Variants in EBF1 observed in about 807,000 individuals in gnomAD.
EBF1 encodes the protein transcription factor COE1.
EBF1 carries 10 observed loss-of-function variants against 68.4 expected under a neutral mutation model. The observed-to-expected ratio is 0.15, with a 90% CI of 0.09 to 0.25. The LOEUF is 0.25. EBF1 is among the 10% of genes least tolerant of loss of function. The pLI is 1.00. For missense variants in EBF1, 509 were observed against 794.4 expected, an observed-to-expected ratio of 0.64 and a Z score of 4.32; for synonymous variants, 298 against 299.8, an observed-to-expected ratio of 0.99 and a Z score of 0.06.
chr5:158,937,698 C>T (rs898060253), intron 6 of EBF1, among the ~76,000 whole-genome samples: 2 of 152,188 alleles, frequency 1.3e-5, no homozygotes, highest in African/African-American at 4.8e-5. Flanking sequence ...AGCCCCATCG[C>T]TTGAGGTGCA....
At chr5:158,884,621 C>G (rs1293729028) in intron 6 of EBF1, among the ~76,000 whole-genome samples, 3 of 152,010 alleles carry the variant, frequency 2.0e-5, no homozygotes, top group Admixed American at 2.0e-4. Context: ...CAGGAAGGTG[C>G]AAGAGACACA....
intron 2 of EBF1, chr5:159,096,629 G>T (rs941260585): frequency 2.9e-5 from 18 of 623,870 alleles, no homozygotes; most frequent in Non-Finnish European, 4.2e-5. Context: ...GCGCACACAG[G>T]CTATCCTCTT....
intron 8 of EBF1, among the ~76,000 whole-genome samples, chr5:158,797,410 G>T (rs1779785721): frequency 6.6e-6 from 1 of 152,272 alleles, no homozygotes; most frequent in Middle Eastern, 3.4e-3. Context: ...CTGTTCTCAT[G>T]ATTATTTTTA....
At chr5:158,720,972 T>A (rs1030661706) in intron 11 of EBF1, among the ~76,000 whole-genome samples, 7 of 152,180 alleles carry the variant, frequency 4.6e-5, no homozygotes, top group Admixed American at 6.5e-5. Context: ...TAGCGCATAC[T>A]TTTTGCCCAG....
intron 6 of EBF1, among the ~76,000 whole-genome samples, chr5:158,876,806 A>G (rs1253230395): frequency 6.6e-6 from 1 of 152,158 alleles, no homozygotes; most frequent in African/African-American, 2.4e-5. Flanking sequence ...CGATTGTATT[A>G]ATACAAAGGA....
chr5:158,727,246 C>A (rs115907251), intron 11 of EBF1, among the ~76,000 whole-genome samples: 5 of 152,170 alleles, frequency 3.3e-5, no homozygotes, highest in African/African-American at 1.2e-4. Context: ...ACACGCCTGA[C>A]GCCAGCTAAG....
Position 159,073,407 on chromosome 5 carries a change from C to T in EBF1, c.543G>A (p.Val181=), listed in dbSNP as rs755938514. The T allele has an allele frequency of 1.2e-6, 2 of 1,614,116 alleles. No homozygotes were observed. Among genetic ancestry groups the T allele is most frequent in the Non-Finnish European group, 8.5e-7 (1 of 1,179,972 alleles). The change falls in exon 6 of 16, where the codon GTG becomes GTA. Residue 181 remains valine, a synonymous_variant. Coordinates refer to ENST00000313708, the MANE Select transcript of EBF1 (RefSeq NM_024007.5). The part of the protein sequence containing the change: ...GNRNETPSDP[V]IIDRFFLKFF... ...AGAGTGGTCCCTACCTGTCAATTAT[C>T]ACTGGATCTGAGGGAGTCTCATTTC...
chr5:159,060,367 A>G (rs1775559852), intron 6 of EBF1, among the ~76,000 whole-genome samples: 1 of 152,192 alleles, frequency 6.6e-6, no homozygotes, highest in Non-Finnish European at 1.5e-5. Flanking sequence ...ATGCAAAATA[A>G]TTTCTCATAT....
At chr5:158,885,886 T>C (rs1200335795) in intron 6 of EBF1, among the ~76,000 whole-genome samples, 2 of 152,216 alleles carry the variant, frequency 1.3e-5, no homozygotes, top group African/African-American at 4.8e-5. Context: ...AAATATGTGA[T>C]CAAATGTAGC....
At chr5:158,778,678 A>G (rs1775800687) in intron 9 of EBF1, among the ~76,000 whole-genome samples, 1 of 152,164 alleles carries the variant, frequency 6.6e-6, no homozygotes, top group South Asian at 2.1e-4. Context: ...CTGTTCTAAC[A>G]CCAAGTCCTA....
chr5:158,963,370 G>T (rs1033843666), intron 6 of EBF1, among the ~76,000 whole-genome samples: 13 of 152,164 alleles, frequency 8.5e-5, no homozygotes, highest in African/African-American at 3.1e-4. Flanking sequence ...TTCTTTGAAG[G>T]TTTCATCTCC....
At chr5:158,846,771 C>T (rs1334636870) in intron 6 of EBF1, among the ~76,000 whole-genome samples, 2 of 152,192 alleles carry the variant, frequency 1.3e-5, no homozygotes, top group African/African-American at 4.8e-5. Flanking sequence ...GCTGAGGAGG[C>T]TGAACCCATG....
At chr5:158,817,757 TG>T (rs1335565115) in intron 8 of EBF1, among the ~76,000 whole-genome samples, 2 of 152,192 alleles carry the variant, frequency 1.3e-5, no homozygotes, top group Non-Finnish European at 2.9e-5. Context: ...ACTCTAATTT[TG>T]CTTAGTACCT....
At chr5:159,068,196 T>C (rs1012054838) in intron 6 of EBF1, among the ~76,000 whole-genome samples, 1 of 152,190 alleles carries the variant, frequency 6.6e-6, no homozygotes, top group African/African-American at 2.4e-5. Context: ...TATATATTTA[T>C]GTTCATGTTA....
chr5:158,930,820 T>A (rs1424146079), intron 6 of EBF1, among the ~76,000 whole-genome samples: 3 of 152,230 alleles, frequency 2.0e-5, no homozygotes, highest in Non-Finnish European at 1.5e-5. Flanking sequence ...TAAGCCCTGT[T>A]CCAATCTCAC....
At chr5:159,075,825 C>T (rs575928203) in intron 5 of EBF1, among the ~76,000 whole-genome samples, 5 of 152,304 alleles carry the variant, frequency 3.3e-5, no homozygotes, top group African/African-American at 9.6e-5. Flanking sequence ...AAGCTCCTAC[C>T]GCACTGGCCC....
intron 8 of EBF1, among the ~76,000 whole-genome samples, chr5:158,806,465 T>C (rs1781614501): frequency 6.6e-6 from 1 of 152,108 alleles, no homozygotes; most frequent in Non-Finnish European, 1.5e-5. Context: ...ACAGGCTTCC[T>C]TCTCACAGTA....
chr5:159,096,693 T>C, intron 2 of EBF1: 1 of 604,830 alleles, frequency 1.7e-6, no homozygotes, highest in Non-Finnish European at 2.9e-6. Context: ...GTGCGTAATC[T>C]GGTAGTGGAG....
chr5:158,732,778 T>C (rs959202636), intron 10 of EBF1, among the ~76,000 whole-genome samples: 2 of 152,274 alleles, frequency 1.3e-5, no homozygotes, highest in Non-Finnish European at 2.9e-5. Flanking sequence ...AAGATTTTTT[T>C]CCCCCAAATG....
Sources: gnomAD v4.1 joint callset for allele counts (sites outside exome capture counted in the v4.1 genomes callset) on GRCh38, gnomAD v4.1.1 for gene constraint, MANE v1.5 for transcripts, NCBI Gene and HGNC (gene_info 2026-07-23, HGNC 2026-07-21) for gene names.